The following PAM variants were observed in gnomAD, a reference collection of about 807,000 sequenced individuals.
PAM encodes peptidyl-glycine alpha-amidating monooxygenase.
Under a neutral mutation model 122.1 loss-of-function variants are expected in PAM, and 72 were observed. The ratio of observed to expected loss-of-function variants is 0.59; its 90% CI spans 0.49 to 0.72. The LOEUF (loss-of-function observed/expected upper bound fraction) is 0.72. Among genes scored for constraint, PAM ranks in the 30% least tolerant of loss-of-function variants. The probability of loss-of-function intolerance (pLI) is 0.00; values close to 1 mark genes in which losing one functional copy is unlikely to be tolerated. For missense variants in PAM, 1,106 were observed against 1,183.7 expected (o/e 0.93, Z 0.96); for synonymous variants, 389 against 404.4 (o/e 0.96, Z 0.46).
intron 21 of PAM, among the ~76,000 whole-genome samples, chr5:103,010,072 A>AT (rs1780178560): frequency 6.6e-6 from 1 of 152,084 alleles, no homozygotes; most frequent in Non-Finnish European, 1.5e-5. Context: ...TCCTAGATCA[A>AT]TTTCTTCAGA....
At chr5:102,857,017 T>A (rs1056874308) in intron 1 of PAM, among the ~76,000 whole-genome samples, 1 of 152,194 alleles carries the variant, frequency 6.6e-6, no homozygotes, top group African/African-American at 2.4e-5. Context: ...GTGTTCCACC[T>A]AGGGTGAAGT....
In PAM at chr5:102,848,629, T is replaced by C. The variant is rs947088295; in HGVS notation, c.-373-17194T>C. ...GAGGTGTCTGGAGAAAGGGAGAATTTTGAAAAAGAGAGAAAAGAACTCAGC... is the reference window on the plus strand; with the variant it reads ...GAGGTGTCTGGAGAAAGGGAGAATTCTGAAAAAGAGAGAAAAGAACTCAGC... On this transcript the variant is annotated intron_variant, in intron 1 of 25. Coordinates refer to ENST00000438793, the MANE Select transcript of PAM (RefSeq NM_001177306.2). 3.9e-5 allele frequency among the ~76,000 whole-genome samples: 6 copies of C among 152,080 alleles called. No homozygotes were observed. The East Asian group carries it at 1.2e-3, about 29-fold the overall frequency.
At chr5:102,911,197 T>C (rs1801300802) in intron 4 of PAM, among the ~76,000 whole-genome samples, 1 of 151,978 alleles carries the variant, frequency 6.6e-6, no homozygotes, top group Non-Finnish European at 1.5e-5. Context: ...GCTATAATTA[T>C]ATAAATATTT....
chr5:102,946,902 T>A lies in PAM; in HGVS notation c.575+17T>A. On this transcript the variant is annotated intron_variant, in intron 8 of 25. Transcript: ENST00000438793. The stretch of plus-strand genomic sequence containing the variant: ...ACGTCTGCCGTAAGTACTTCCATTT[T>A]TCCTAGAGGAGCAGCAACTTTAACA... The A allele has an allele frequency of 6.4e-7, 1 of 1,555,054 alleles. No homozygotes were observed. Among genetic ancestry groups the A allele is most frequent in the Non-Finnish European group, 8.9e-7 (1 of 1,127,454 alleles).
chr5:102,999,020 C>T (rs1340718648), intron 16 of PAM, among the ~76,000 whole-genome samples: 3 of 152,148 alleles, frequency 2.0e-5, no homozygotes, highest in South Asian at 4.1e-4. Context: ...GAAGCAAAAA[C>T]GTCCTTCACA....
At position 102,949,576 on chromosome 5, in the gene PAM, C is replaced by G; in HGVS notation, c.683C>G (p.Pro228Arg). 6.4e-7 allele frequency: 1 copy of G among 1,550,634 alleles called. No individual in the cohort carries two copies. Among genetic ancestry groups the G allele is most frequent in the Non-Finnish European group, 8.9e-7 (1 of 1,122,456 alleles). The change falls in exon 10 of 26, where the codon CCA (proline) becomes CGA (arginine). Residue 228 changes from proline to arginine, a missense_variant. Transcript: ENST00000438793. ...ATTTCATGCCATTATAAAAATTATCCAATGCATGTCTTTGCCTATAGAGTT... is the reference window on the plus strand; with the variant it reads ...ATTTCATGCCATTATAAAAATTATCGAATGCATGTCTTTGCCTATAGAGTT... ...SDISCHYKNYPMHVFAYRVHT... is the reference protein window; with the variant it reads ...SDISCHYKNYRMHVFAYRVHT...
At chr5:102,835,148 T>A (rs1332147302) in intron 1 of PAM, among the ~76,000 whole-genome samples, 1 of 152,128 alleles carries the variant, frequency 6.6e-6, no homozygotes, top group Non-Finnish European at 1.5e-5. Flanking sequence ...CATTTTGTAG[T>A]TTTCAGGGCT....
intron 3 of PAM, among the ~76,000 whole-genome samples, chr5:102,889,683 T>C (rs1297221864): frequency 2.0e-5 from 3 of 151,966 alleles, no homozygotes; most frequent in Non-Finnish European, 4.4e-5. Context: ...TTTTGATTCC[T>C]ATCTTGTGTC....
At chr5:102,829,882 A>G (rs1041111041) in intron 1 of PAM, among the ~76,000 whole-genome samples, 2 of 152,162 alleles carry the variant, frequency 1.3e-5, no homozygotes, top group East Asian at 1.9e-4. Flanking sequence ...AATTCTGCAG[A>G]TATCTTTTAT....
At chr5:102,774,580 G>A (rs1211270995) in intron 1 of PAM, among the ~76,000 whole-genome samples, 1 of 152,088 alleles carries the variant, frequency 6.6e-6, no homozygotes, top group Non-Finnish European at 1.5e-5. Context: ...TAAGAAGTCT[G>A]TACATAAGTA....
chr5:102,981,308 A>G (rs913067873), intron 15 of PAM, among the ~76,000 whole-genome samples: 1 of 152,210 alleles, frequency 6.6e-6, no homozygotes, highest in Non-Finnish European at 1.5e-5. Flanking sequence ...CTGCATCTTC[A>G]TGGGCACTTA....
chr5:102,988,614 A>AAAGGAAAGGAAAGGGAAAAAAAAG (rs1772816746), intron 15 of PAM, among the ~76,000 whole-genome samples: 1 of 141,208 alleles, frequency 7.1e-6, no homozygotes, highest in African/African-American at 3.1e-5. Flanking sequence ...GAAAGGGAGG[A>AAAGGAAAGGAAAGGGAAAAAAAAG]AAGGAAAGGA....
At chr5:102,915,188 G>A (rs550432248) in intron 5 of PAM, among the ~76,000 whole-genome samples, 1 of 152,208 alleles carries the variant, frequency 6.6e-6, no homozygotes, top group East Asian at 1.9e-4. Context: ...TGAGGAATCT[G>A]TTTTGAGGTC....
At chr5:102,843,533 C>A (rs987297133) in intron 1 of PAM, among the ~76,000 whole-genome samples, 16 of 152,178 alleles carry the variant, frequency 1.1e-4, no homozygotes, top group African/African-American at 3.9e-4. Flanking sequence ...CTAAAAACAT[C>A]TTCTCTGTAA....
chr5:102,904,534 T>C (rs1251659742), intron 4 of PAM, among the ~76,000 whole-genome samples: 1 of 151,590 alleles, frequency 6.6e-6, no homozygotes, highest in Non-Finnish European at 1.5e-5. Flanking sequence ...ATCATTGTTT[T>C]GCTTGTGTTT....
rs113788406 is a variant in PAM at position 102,817,282 on chromosome 5, A to G, written c.-373-48541A>G. Among the ~76,000 whole-genome samples the G allele has an allele frequency of 7.8e-3, 1,186 of 152,256 alleles. 16 individuals carry two copies. The highest frequency in any genetic ancestry group is 0.027 in the African/African-American group (1,121 of 41,546). ...ACTATTATAATTAAAATTTAAAAAG[A>G]AATACTTCATCACTCTAGTTTTGTA... On this transcript the variant is annotated intron_variant, in intron 1 of 25. Transcript: ENST00000438793.
At chr5:102,764,873 C>T (rs1158822380) in intron 1 of PAM, among the ~76,000 whole-genome samples, 1 of 152,214 alleles carries the variant, frequency 6.6e-6, no homozygotes, top group Non-Finnish European at 1.5e-5. Flanking sequence ...ACTTCAACCC[C>T]ACATGCTGTT....
At chr5:102,923,561 A>G (rs541610500) in intron 5 of PAM, among the ~76,000 whole-genome samples, 1 of 152,364 alleles carries the variant, frequency 6.6e-6, no homozygotes, top group East Asian at 1.9e-4. Context: ...TAGCCTAACA[A>G]TGTTTGGATT....
chr5:102,987,336 A>C (rs1645402890), intron 15 of PAM, among the ~76,000 whole-genome samples: 1 of 152,190 alleles, frequency 6.6e-6, no homozygotes, highest in Admixed American at 6.5e-5. Flanking sequence ...GAAGCTTAAA[A>C]AGTTGATCTC....
Sources: gnomAD v4.1 joint callset for allele counts (sites outside exome capture counted in the v4.1 genomes callset) on GRCh38, gnomAD v4.1.1 for gene constraint, MANE v1.5 for transcripts, NCBI Gene and HGNC (gene_info 2026-07-23, HGNC 2026-07-21) for gene names.